Variants in SPTBN1 observed in about 807,000 individuals in gnomAD.
SPTBN1 encodes the protein spectrin beta, non-erythrocytic 1, also known as spectrin beta chain, non-erythrocytic 1.
SPTBN1 carries 32 observed loss-of-function variants against 266.4 expected under a neutral mutation model. The ratio of observed to expected loss-of-function variants is 0.12; its 90% CI spans 0.09 to 0.16. SPTBN1 has a LOEUF of 0.16. Among genes scored for constraint, SPTBN1 ranks in the 10% least tolerant of loss-of-function variants. The pLI is 1.00. For missense variants in SPTBN1, 2,296 were observed against 3,067.1 expected (o/e 0.75, Z 5.94); for synonymous variants, 1,336 against 1,162.2 (o/e 1.15, Z -3.04).
At chr2:54,658,375 A>G (rs528912635) in intron 30 of SPTBN1, among the ~76,000 whole-genome samples, 2 of 152,268 alleles carry the variant, frequency 1.3e-5, no homozygotes, top group African/African-American at 4.8e-5. Flanking sequence ...TCAAGGGGGC[A>G]TGGCCTCAAA....
At chr2:54,655,319 C>T (rs1680578558) in intron 28 of SPTBN1, 111 bp downstream of exon 28, 1 of 1,357,918 alleles carries the variant, frequency 7.4e-7, no homozygotes, top group East Asian at 2.4e-5. Context: ...TATACACACA[C>T]ACATATGTTT....
intron 18 of SPTBN1, among the ~76,000 whole-genome samples, chr2:54,639,956 T>G (rs1316416743): frequency 6.6e-6 from 1 of 152,188 alleles, no homozygotes; most frequent in Non-Finnish European, 1.5e-5. Flanking sequence ...TGTCTCTCCT[T>G]GAGCCACATT....
At chr2:54,612,105 G>T in intron 3 of SPTBN1, 56 bp from the exon 4 acceptor site, 42 of 1,495,092 alleles carry the variant, frequency 2.8e-5, no homozygotes, top group Non-Finnish European at 3.8e-5. Flanking sequence ...AGTAACTCGG[G>T]GTTCATCTCT....
At chr2:54,473,735 T>C (rs1694043962) in intron 1 of SPTBN1, among the ~76,000 whole-genome samples, 1 of 152,236 alleles carries the variant, frequency 6.6e-6, no homozygotes, top group African/African-American at 2.4e-5. Context: ...TCATTCATTA[T>C]ACGATAAGCA....
At chr2:54,465,015 A>G (rs1693555591) in intron 1 of SPTBN1, among the ~76,000 whole-genome samples, 1 of 152,196 alleles carries the variant, frequency 6.6e-6, no homozygotes, top group Non-Finnish European at 1.5e-5. Flanking sequence ...TTTAATAATC[A>G]AAAAAGCAAT....
At chr2:54,660,286 GTTTA>G (rs1222622107) in intron 32 of SPTBN1, 57 of 1,281,178 alleles carry the variant, frequency 4.4e-5, no homozygotes, top group Non-Finnish European at 5.5e-5. Flanking sequence ...CTTATTTTTT[GTTTA>G]TTTATTGTGA....
chr2:54,638,843 C>T (rs1354425866), intron 18 of SPTBN1, among the ~76,000 whole-genome samples: 7 of 152,158 alleles, frequency 4.6e-5, no homozygotes, highest in Admixed American at 3.9e-4. Context: ...TCACAGACAC[C>T]CTGCATGCAA....
At chr2:54,481,233 A>G (rs1281948485) in intron 1 of SPTBN1, among the ~76,000 whole-genome samples, 1 of 151,782 alleles carries the variant, frequency 6.6e-6, no homozygotes, top group African/African-American at 2.4e-5. Flanking sequence ...TCTTCCCATT[A>G]GAATCTCTCT....
At chr2:54,578,153 C>T (rs1162094762) in intron 2 of SPTBN1, among the ~76,000 whole-genome samples, 1 of 152,158 alleles carries the variant, frequency 6.6e-6, no homozygotes, top group Non-Finnish European at 1.5e-5. Flanking sequence ...CTGGAATAAA[C>T]TGTACTGGCA....
chr2:54,637,853 G>T (rs2103989473), intron 18 of SPTBN1, 50 bp downstream of exon 18: 1 of 1,453,544 alleles, frequency 6.9e-7, no homozygotes. Context: ...AATAGCAATT[G>T]CCAGCCAGCA....
chr2:54,461,799 C>G (rs1416637788), intron 1 of SPTBN1, among the ~76,000 whole-genome samples: 1 of 152,226 alleles, frequency 6.6e-6, no homozygotes, highest in Non-Finnish European at 1.5e-5. Flanking sequence ...TAGATTACTA[C>G]TAATCCTTTG....
intron 1 of SPTBN1, among the ~76,000 whole-genome samples, chr2:54,503,697 ACCCATT>A (rs1669396637): frequency 2.6e-5 from 4 of 152,176 alleles, no homozygotes; most frequent in Admixed American, 2.6e-4. Context: ...AAAAACATAT[ACCCATT>A]GCCAAAAAGC....
chr2:54,526,473 A>G lies in SPTBN1; in HGVS notation c.55A>G (p.Ser19Gly), dbSNP rs878979075. ...CAACATTGAGATCCAGCAGCAGTAC[A>G]GTGATGTCAACAACCGCTGGGATGT... ...YDNIEIQQQYSDVNNRWDVDD... is the reference protein window; with the variant it reads ...YDNIEIQQQYGDVNNRWDVDD... The change falls in exon 2 of 36, where the codon AGT becomes GGT. Residue 19 changes from serine (S) to glycine (G), a missense_variant. Transcript: ENST00000356805. 1.9e-6 allele frequency: 3 copies of G among 1,614,102 alleles called. No homozygotes were observed. The highest frequency in any genetic ancestry group is 1.3e-5 in the African/African-American group (1 of 74,936).
rs368828316 is a variant in SPTBN1 at position 54,618,277 on chromosome 2, G to A, written c.763+84G>A. ...TGTAAAATCTGTTTTGTGTCAGTCT[G>A]TTTCATTTGGGAGTTATCAAAGGAA... On this transcript the variant is annotated intron_variant, in intron 7 of 35. Transcript: ENST00000356805. 46 of 1,177,454 alleles carry A rather than the reference G, an allele frequency of 3.9e-5. No individual in the cohort carries two copies. The East Asian group carries it at 6.4e-4, about 16-fold the overall frequency. 72.9% of individuals were successfully genotyped at this position (1,177,454 alleles called of 1,614,324 possible).
chr2:54,521,921 A>G (rs1442674394), intron 1 of SPTBN1, among the ~76,000 whole-genome samples: 1 of 151,970 alleles, frequency 6.6e-6, no homozygotes, highest in African/African-American at 2.4e-5. Flanking sequence ...CTTTTGAGAC[A>G]GAGTCTGGCT....
At chr2:54,589,346 C>A (rs926605551) in intron 2 of SPTBN1, among the ~76,000 whole-genome samples, 2 of 152,238 alleles carry the variant, frequency 1.3e-5, no homozygotes, top group African/African-American at 4.8e-5. Flanking sequence ...TTGTGGGTCT[C>A]CTCTCAGAAG....
chr2:54,482,587 A>C (rs1352451438), intron 1 of SPTBN1, among the ~76,000 whole-genome samples: 4 of 152,182 alleles, frequency 2.6e-5, no homozygotes, highest in Non-Finnish European at 4.4e-5. Context: ...GAGCACCAGG[A>C]AGTTACTTAT....
In SPTBN1 at chr2:54,664,806, T is replaced by C; in HGVS notation, c.6659+115T>C. The C allele has an allele frequency of 9.3e-7, 1 of 1,080,344 alleles. No individual in the cohort carries two copies. The highest frequency in any genetic ancestry group is 1.3e-6 in the Non-Finnish European group (1 of 756,510). The allele number at this position is 1,080,344 out of a possible 1,614,324, so 66.9% of individuals were successfully genotyped here. A position where few individuals can be genotyped will look rare whatever the true frequency, so the allele number is the denominator to read the frequency against. Reference sequence around the variant, plus strand: ...TGCTCATGTAGTTTTATTCCTTTGGTAGCTTCCTGGACATTGCATTCTTCT... The same window carrying C: ...TGCTCATGTAGTTTTATTCCTTTGGCAGCTTCCTGGACATTGCATTCTTCT... On this transcript the variant is annotated intron_variant, in intron 33 of 35. Coordinates refer to ENST00000356805, the MANE Select transcript of SPTBN1 (RefSeq NM_003128.3). The surrounding 1 kb of genome is among the most constrained non-coding windows in gnomAD (Gnocchi z 5.6).
chr2:54,634,367 G>C (rs577612730), intron 17 of SPTBN1, among the ~76,000 whole-genome samples: 1 of 152,236 alleles, frequency 6.6e-6, no homozygotes, highest in African/African-American at 2.4e-5. Flanking sequence ...CCTTGACCAA[G>C]AGCCTGGGCT....
Sources: allele counts gnomAD v4.1 joint callset (sites outside exome capture counted in the v4.1 genomes callset), GRCh38; gene constraint gnomAD v4.1.1; non-coding constraint Gnocchi (gnomAD v3.1); transcripts MANE v1.5; gene names NCBI Gene and HGNC (gene_info 2026-07-23, HGNC 2026-07-21).